The following TEX2 variants were observed in gnomAD, a reference collection of about 807,000 sequenced individuals.
TEX2 encodes testis expressed 2, also known as testis-expressed protein 2.
TEX2 carries 53 observed loss-of-function variants against 106.9 expected under a neutral mutation model. The ratio of observed to expected loss-of-function variants is 0.50; its 90% CI spans 0.40 to 0.62. The LOEUF is 0.62. Ranked by LOEUF, TEX2 falls within the 20% of genes least tolerant of loss-of-function variation. TEX2 has a pLI of 0.00. For missense variants in TEX2, 1,207 were observed against 1,379.0 expected, an observed-to-expected ratio of 0.88 and a Z score of 1.98; for synonymous variants, 523 against 534.8, an observed-to-expected ratio of 0.98 and a Z score of 0.30.
chr17:64,235,664 AC>A (rs1313333268), intron 1 of TEX2, among the ~76,000 whole-genome samples: 1 of 152,212 alleles, frequency 6.6e-6, no homozygotes, highest in East Asian at 1.9e-4. Context: ...AGACTTTCTT[AC>A]AAAAAGTAAA....
chr17:64,224,311 A>G (rs2033445494), intron 1 of TEX2, among the ~76,000 whole-genome samples: 1 of 152,202 alleles, frequency 6.6e-6, no homozygotes, highest in African/African-American at 2.4e-5. Flanking sequence ...CCACAGAGCA[A>G]AACAGTGAAT....
intron 5 of TEX2, 76 bp from the exon 6 acceptor site, chr17:64,177,547 A>C: frequency 1.3e-6 from 2 of 1,507,944 alleles, no homozygotes. Context: ...TTATAAAGTC[A>C]CTGAAGGTCC....
intron 8 of TEX2, among the ~76,000 whole-genome samples, chr17:64,157,093 G>A (rs576032626): frequency 6.6e-6 from 1 of 152,272 alleles, no homozygotes; most frequent in South Asian, 2.1e-4. Flanking sequence ...AGTATTATGC[G>A]GCACCCAATA....
At chr17:64,163,301 A>G (rs1224735171) in intron 7 of TEX2, among the ~76,000 whole-genome samples, 2 of 151,710 alleles carry the variant, frequency 1.3e-5, no homozygotes, top group African/African-American at 4.8e-5. Flanking sequence ...ACATATATAT[A>G]TATTTTATTT....
chr17:64,224,337 C>T (rs1460805913), intron 1 of TEX2, among the ~76,000 whole-genome samples: 5 of 152,110 alleles, frequency 3.3e-5, no homozygotes, highest in African/African-American at 1.2e-4. Flanking sequence ...CAAAACCAAC[C>T]ACGGCAGGAA....
chr17:64,148,210 G>C lies in TEX2; in HGVS notation c.*759C>G, dbSNP rs1422064409. 6.6e-6 allele frequency: 1 copy of C among 152,636 alleles called. No individual in the cohort carries two copies. The highest frequency in any genetic ancestry group is 2.4e-5 in the African/African-American group (1 of 41,446). 9.5% of individuals were successfully genotyped at this position (152,636 alleles called of 1,614,324 possible). On this transcript the variant is annotated 3_prime_UTR_variant, in exon 12 of 12. Transcript: ENST00000584379. ...CCATCTGTATGAGAGGACCCATCCT[G>C]TCATGTGCAGTGTTTGATGTTTTCA...
At chr17:64,223,103 C>T (rs1187374692) in intron 1 of TEX2, among the ~76,000 whole-genome samples, 1 of 152,148 alleles carries the variant, frequency 6.6e-6, no homozygotes, top group Non-Finnish European at 1.5e-5. Flanking sequence ...TGCCATCTAA[C>T]TTGAACTCAT....
At chr17:64,172,339 C>T (rs556040781) in intron 6 of TEX2, among the ~76,000 whole-genome samples, 3 of 134,898 alleles carry the variant, frequency 2.2e-5, no homozygotes, top group Admixed American at 8.2e-5. Flanking sequence ...GGTGACAGAG[C>T]GAGAATCCGT....
intron 6 of TEX2, among the ~76,000 whole-genome samples, chr17:64,175,498 G>C (rs754844546): frequency 2.0e-5 from 3 of 152,176 alleles, no homozygotes; most frequent in Non-Finnish European, 2.9e-5. Context: ...AGGAGGACGG[G>C]GGCACCTTCA....
At chr17:64,229,832 C>T (rs1555634395) in intron 1 of TEX2, among the ~76,000 whole-genome samples, 2 of 152,100 alleles carry the variant, frequency 1.3e-5, no homozygotes, top group East Asian at 1.9e-4. Flanking sequence ...ATTAGACAAC[C>T]TAGCTTACAT....
At chr17:64,248,887 T>A (rs1020770273) in intron 1 of TEX2, among the ~76,000 whole-genome samples, 7 of 151,934 alleles carry the variant, frequency 4.6e-5, no homozygotes, top group Non-Finnish European at 8.8e-5. Flanking sequence ...ATACAAAAAT[T>A]TACCAGGCCT....
intron 1 of TEX2, among the ~76,000 whole-genome samples, chr17:64,225,640 A>G (rs2033483705): frequency 1.3e-5 from 2 of 152,234 alleles, no homozygotes; most frequent in South Asian, 4.1e-4. Context: ...ATGGTGCCGA[A>G]AGCCCAAGAT....
chr17:64,232,068 A>G (rs1555634697), intron 1 of TEX2, among the ~76,000 whole-genome samples: 1 of 152,210 alleles, frequency 6.6e-6, no homozygotes, highest in African/African-American at 2.4e-5. Context: ...TGTGACCATT[A>G]AGAATGACAC....
In TEX2 at chr17:64,212,955, C is replaced by G. The variant is rs2033054049; in HGVS notation, c.1263G>C (p.Leu421=). ...TTTCCAAATCGAAGTCCTCAGTGTA[C>G]AGTTCACAAAACTCTTCATCTTCTT... ...VSKEDEEFCE[L]YTEDFDLETE... The change falls in exon 2 of 12, where the codon CTG becomes CTC. Residue 421 remains leucine, a synonymous_variant. Transcript: ENST00000584379. 6.2e-7 allele frequency: 1 copy of G among 1,614,242 alleles called. No homozygotes were observed. The highest frequency in any genetic ancestry group is 2.2e-5 in the East Asian group (1 of 44,892).
intron 1 of TEX2, among the ~76,000 whole-genome samples, chr17:64,220,510 GA>G (rs201333305): frequency 0.031 from 4,759 of 151,622 alleles, 122 homozygotes; most frequent in South Asian, 0.1. Context: ...AAACGTACAA[GA>G]AAAAAACAAC....
At chr17:64,152,072 C>A (rs571188515) in intron 10 of TEX2, among the ~76,000 whole-genome samples, 10 of 152,298 alleles carry the variant, frequency 6.6e-5, no homozygotes, top group South Asian at 4.1e-4. Context: ...ATCATTCCTA[C>A]AAATCCTTCT....
intron 1 of TEX2, among the ~76,000 whole-genome samples, chr17:64,225,097 C>CT (rs530386455): frequency 4.5e-4 from 66 of 146,214 alleles, no homozygotes; most frequent in African/African-American, 3.2e-4. Flanking sequence ...CTGGGAATAA[C>CT]TTTTTTTTTT....
chr17:64,255,028 C>CTTTTTTT lies in TEX2; in HGVS notation c.-26+8133_-26+8139dup, dbSNP rs566755382. Reference sequence around the variant, plus strand: ...TACAGGTGTGTGTCACTGCATCTGGCTTTTTTTTTTTTTTTTTTGTAGAGG... The same window carrying CTTTTTTT: ...TACAGGTGTGTGTCACTGCATCTGGCTTTTTTTTTTTTTTTTTTTTTTTTTGTAGAGG... On this transcript the variant is annotated intron_variant, in intron 1 of 11. Coordinates refer to ENST00000584379, the MANE Select transcript of TEX2 (RefSeq NM_001288732.2). 2.9e-4 allele frequency among the ~76,000 whole-genome samples: 39 copies of CTTTTTTT among 132,490 alleles called. 14 individuals are homozygous for CTTTTTTT. The highest frequency in any genetic ancestry group is 2.8e-4 in the African/African-American group (10 of 35,986). The allele number at this position is 132,490 out of a possible 152,430, so 86.9% of individuals were successfully genotyped here.
chr17:64,160,862 T>C lies in TEX2; in HGVS notation c.2743A>G (p.Thr915Ala). The C allele has an allele frequency of 6.2e-7, 1 of 1,614,172 alleles. No homozygotes were observed. The highest frequency in any genetic ancestry group is 8.5e-7 in the Non-Finnish European group (1 of 1,180,028). ...LMTLETKMNLTKLGKEPLVEA... is the reference protein window; with the variant it reads ...LMTLETKMNLAKLGKEPLVEA... ...ACAAGAGGCTCTTTACCTAGTTTGG[T>C]CAAATTCATTTTGGTCTCGAGAGTC... Residue 915 changes from threonine to alanine, a missense_variant, in exon 8 of 12, where the codon ACC (threonine) becomes GCC (alanine). Thr to Ala is a moderately conservative substitution (Grantham distance 58). Transcript: ENST00000584379.
Sources: gnomAD v4.1 joint callset for allele counts (sites outside exome capture counted in the v4.1 genomes callset) on GRCh38, gnomAD v4.1.1 for gene constraint, MANE v1.5 for transcripts, NCBI Gene and HGNC (gene_info 2026-07-23, HGNC 2026-07-21) for gene names.